SDK1: variants seen among roughly 807,000 people sequenced by gnomAD.
The protein encoded by SDK1 is sidekick cell adhesion molecule 1.
Under a neutral mutation model 245.5 loss-of-function variants are expected in SDK1, and 157 were observed. The observed-to-expected ratio is 0.64, with a 90% CI of 0.56 to 0.73. The LOEUF (loss-of-function observed/expected upper bound fraction) is 0.73, where lower values mean the gene tolerates loss of function less well. Ranked by LOEUF, SDK1 falls within the 30% of genes least tolerant of loss-of-function variation. The pLI is 0.00. For synonymous variants in SDK1, 1,647 were observed against 1,278.5 expected, an observed-to-expected ratio of 1.29 and a Z score of -6.15; for missense variants, 3,583 against 3,002.3, an observed-to-expected ratio of 1.19 and a Z score of -4.52.
At chr7:3,906,878 C>T (rs986165634) in intron 5 of SDK1, among the ~76,000 whole-genome samples, 2 of 152,096 alleles carry the variant, frequency 1.3e-5, no homozygotes, top group African/African-American at 4.8e-5. Flanking sequence ...AATCCGCCCA[C>T]CTCGGCCTCC....
At chr7:4,039,277 A>G (rs1325330698) in intron 17 of SDK1, among the ~76,000 whole-genome samples, 1 of 151,490 alleles carries the variant, frequency 6.6e-6, no homozygotes, top group Non-Finnish European at 1.5e-5. Flanking sequence ...CGTTGTGCAC[A>G]TGTACCGGAA....
At chr7:4,122,629 A>G (rs7792741) in intron 25 of SDK1, among the ~76,000 whole-genome samples, 12,584 of 152,196 alleles carry the variant, frequency 0.083, 817 homozygotes, top group African/African-American at 0.17. Flanking sequence ...AGGATAAATG[A>G]GGCCTTAAAA....
Position 3,974,509 on chromosome 7 carries a change from G to C in SDK1, c.1958G>C (p.Gly653Ala), listed in dbSNP as rs1782750033. The change falls in exon 13 of 45, where the codon GGA (glycine) becomes GCA (alanine). Residue 653 changes from glycine to alanine, a missense_variant. Gly to Ala is a moderately conservative substitution (Grantham distance 60). Coordinates refer to ENST00000404826, the MANE Select transcript of SDK1 (RefSeq NM_152744.4). Reference sequence around the variant, plus strand: ...TACAGCTGCGAGATTGTTTCTGAAGGAGGGAATGACTCCAGGATGGCCCGG... The same window carrying C: ...TACAGCTGCGAGATTGTTTCTGAAGCAGGGAATGACTCCAGGATGGCCCGG... ...GDYSCEIVSE[G>A]GNDSRMARLE... 1.2e-6 allele frequency: 2 copies of C among 1,614,168 alleles called. No individual in the cohort carries two copies. The highest frequency in any genetic ancestry group is 1.7e-6 in the Non-Finnish European group (2 of 1,180,040).
At chr7:3,728,064 T>C (rs1439295158) in intron 4 of SDK1, among the ~76,000 whole-genome samples, 1 of 152,210 alleles carries the variant, frequency 6.6e-6, no homozygotes, top group East Asian at 1.9e-4. Context: ...TTCTGATGTT[T>C]TTCTCATGGT....
chr7:3,462,758 TC>T (rs1780873193), intron 1 of SDK1, among the ~76,000 whole-genome samples: 1 of 152,122 alleles, frequency 6.6e-6, no homozygotes. Context: ...ATTGCCGCCA[TC>T]CTAATGCAAG....
chr7:4,155,878 T>C (rs925238701), intron 30 of SDK1, among the ~76,000 whole-genome samples: 3 of 152,026 alleles, frequency 2.0e-5, no homozygotes, highest in African/African-American at 7.3e-5. Flanking sequence ...AGACAGATAG[T>C]CGTCAAGGAA....
chr7:4,165,900 C>T (rs1781470302), intron 32 of SDK1, among the ~76,000 whole-genome samples: 1 of 152,176 alleles, frequency 6.6e-6, no homozygotes. Flanking sequence ...AATCCTCCCA[C>T]CTCAGCCTCC....
In SDK1 at chr7:3,791,776, TG is replaced by T. The variant is rs1277813008; in HGVS notation, c.714-29671del. Reference sequence around the variant, plus strand: ...GTGCTCTATGGATGCCATTCTTTTCTGGGTCTTTTGGCCAGTTATGGAACAA... The same window carrying T: ...GTGCTCTATGGATGCCATTCTTTTCTGGTCTTTTGGCCAGTTATGGAACAA... On this transcript the variant is annotated intron_variant, in intron 4 of 44. Transcript: ENST00000404826. Among the ~76,000 whole-genome samples, 18 of 152,302 alleles carry T rather than the reference TG, an allele frequency of 1.2e-4. 1 individual carries two copies. The South Asian group carries it at 3.7e-3, about 32-fold the overall frequency.
chr7:3,503,037 G>C (rs1782268811), intron 1 of SDK1, among the ~76,000 whole-genome samples: 2 of 152,134 alleles, frequency 1.3e-5, no homozygotes, highest in Admixed American at 1.3e-4. Flanking sequence ...GTTCACAGTG[G>C]ACTAATGATG....
intron 22 of SDK1, among the ~76,000 whole-genome samples, chr7:4,093,426 G>T (rs1397855671): frequency 8.3e-6 from 1 of 121,186 alleles, no homozygotes. Context: ...TTTAGGTACA[G>T]CTAAAACTGT....
chr7:3,852,950 A>C (rs564033987), intron 5 of SDK1, among the ~76,000 whole-genome samples: 1 of 152,044 alleles, frequency 6.6e-6, no homozygotes, highest in Admixed American at 6.5e-5. Flanking sequence ...TTATGGTCAA[A>C]CTAATTAGCT....
intron 4 of SDK1, among the ~76,000 whole-genome samples, chr7:3,800,205 A>T (rs73032394): frequency 0.13 from 19,731 of 151,960 alleles, 1,483 homozygotes; most frequent in Middle Eastern, 0.3. Context: ...CAAAACTTCC[A>T]TTTCCTAATT....
At chr7:3,687,666 T>G (rs1236611264) in intron 4 of SDK1, among the ~76,000 whole-genome samples, 1 of 152,150 alleles carries the variant, frequency 6.6e-6, no homozygotes, top group Non-Finnish European at 1.5e-5. Flanking sequence ...ATTGTGGGAA[T>G]GACAGAATTA....
At chr7:4,127,990 C>T (rs1784504391) in intron 26 of SDK1, among the ~76,000 whole-genome samples, 1 of 152,190 alleles carries the variant, frequency 6.6e-6, no homozygotes, top group Non-Finnish European at 1.5e-5. Context: ...CTAGCAATGG[C>T]ATCCGCTGGC....
intron 44 of SDK1, among the ~76,000 whole-genome samples, chr7:4,261,985 G>GA (rs896706815): frequency 1.9e-4 from 25 of 134,200 alleles, no homozygotes; most frequent in Admixed American, 6.1e-4. Flanking sequence ...CTTCTTAGGG[G>GA]AAAAAAAAAT....
rs868140240 is a variant in SDK1, at chr7:3,474,465, A to T, written c.299-144615A>T. 2.0e-5 allele frequency among the ~76,000 whole-genome samples: 3 copies of T among 151,858 alleles called. No homozygotes were observed. The East Asian group carries it at 5.8e-4, about 30-fold the overall frequency. ...TACCAACCCCAGTATCTCACCACTC[A>T]GTCTCTCCCTCCAGTCCCTTGGCCT... On this transcript the variant is annotated intron_variant, in intron 1 of 44. Transcript: ENST00000404826.
chr7:3,706,496 G>T (rs922431950), intron 4 of SDK1, among the ~76,000 whole-genome samples: 1 of 152,132 alleles, frequency 6.6e-6, no homozygotes, highest in Non-Finnish European at 1.5e-5. Flanking sequence ...CCGCCTCCTG[G>T]GTTCACACCA....
At chr7:3,421,989 G>T (rs924687778) in intron 1 of SDK1, among the ~76,000 whole-genome samples, 3 of 152,140 alleles carry the variant, frequency 2.0e-5, no homozygotes, top group African/African-American at 7.2e-5. Context: ...GAAATGTAAA[G>T]CATAGTTGAT....
At chr7:3,574,072 T>C (rs1168190586) in intron 1 of SDK1, among the ~76,000 whole-genome samples, 1 of 152,026 alleles carries the variant, frequency 6.6e-6, no homozygotes, top group Non-Finnish European at 1.5e-5. Flanking sequence ...AGACTTTGCC[T>C]CTGCAGCTAT....
Sources: gnomAD v4.1 joint callset for allele counts (sites outside exome capture counted in the v4.1 genomes callset) on GRCh38, gnomAD v4.1.1 for gene constraint, MANE v1.5 for transcripts, NCBI Gene and HGNC (gene_info 2026-07-23, HGNC 2026-07-21) for gene names.